The following SLC12A2 variants were observed in gnomAD, a reference collection of about 807,000 sequenced individuals.
The protein encoded by SLC12A2 is Na-K-2Cl cotransporter 1.
Under a neutral mutation model 136.3 loss-of-function variants are expected in SLC12A2, and 67 were observed. That is an observed-to-expected ratio of 0.49 (90% confidence interval 0.40 to 0.60). SLC12A2 has a LOEUF of 0.60. SLC12A2 is among the 20% of genes least tolerant of loss of function. The pLI is 0.00. For synonymous variants in SLC12A2, 619 were observed against 562.9 expected (o/e 1.10, Z -1.41); for missense variants, 1,322 against 1,534.7 (o/e 0.86, Z 2.32).
At chr5:128,093,895 TG>T (rs1760428070) in intron 1 of SLC12A2, among the ~76,000 whole-genome samples, 1 of 152,152 alleles carries the variant, frequency 6.6e-6, no homozygotes, top group African/African-American at 2.4e-5. Context: ...TGTCTATTTC[TG>T]GTTTGCCTCT....
intron 18 of SLC12A2, among the ~76,000 whole-genome samples, chr5:128,171,250 A>T (rs1763367178): frequency 6.6e-6 from 1 of 152,132 alleles, no homozygotes; most frequent in Admixed American, 6.6e-5. Flanking sequence ...ATATCCTGCA[A>T]CCTGCTATCA....
intron 1 of SLC12A2, chr5:128,110,311 C>T: frequency 1.2e-6 from 1 of 855,966 alleles, no homozygotes; most frequent in East Asian, 2.4e-5. Context: ...ACTTGACTGA[C>T]TGTTTTAGAA....
intron 15 of SLC12A2, among the ~76,000 whole-genome samples, chr5:128,155,198 A>G (rs1052558466): frequency 2.0e-5 from 3 of 152,178 alleles, no homozygotes; most frequent in African/African-American, 7.2e-5. Context: ...AAATTTCACC[A>G]CACTACTCAG....
At chr5:128,127,795 A>G (rs1410270940) in intron 4 of SLC12A2, among the ~76,000 whole-genome samples, 3 of 150,522 alleles carry the variant, frequency 2.0e-5, no homozygotes, top group African/African-American at 2.4e-5. Flanking sequence ...TTCATTCCTA[A>G]TTTACTTTTT....
chr5:128,140,061 C>T (rs570146471), intron 9 of SLC12A2, among the ~76,000 whole-genome samples: 12 of 152,196 alleles, frequency 7.9e-5, no homozygotes, highest in African/African-American at 2.6e-4. Flanking sequence ...TGCAGTGGCT[C>T]GATCTTGGCT....
At chr5:128,132,838 T>C (rs1256875586) in intron 5 of SLC12A2, among the ~76,000 whole-genome samples, 1 of 152,330 alleles carries the variant, frequency 6.6e-6, no homozygotes, top group East Asian at 1.9e-4. Flanking sequence ...TATATTTTTA[T>C]TTGATAGTCA....
At chr5:128,174,482 C>A in intron 19 of SLC12A2, 59 bp from the exon 20 acceptor site, 1 of 1,264,654 alleles carries the variant, frequency 7.9e-7, no homozygotes, top group Non-Finnish European at 1.1e-6. Flanking sequence ...AACCATAATG[C>A]CTTATTTAAC....
Position 128,084,369 on chromosome 5 carries a change from T to A in SLC12A2, c.415T>A (p.Phe139Ile). 1 of 1,604,238 alleles carries A rather than the reference T, an allele frequency of 6.2e-7. No individual in the cohort carries two copies. The highest frequency in any genetic ancestry group is 8.5e-7 in the Non-Finnish European group (1 of 1,177,384). Residue 139 changes from phenylalanine (F) to isoleucine (I), a missense_variant, in exon 1 of 27, where the codon TTC becomes ATC. By Grantham distance (21) the Phe-to-Ile change is conservative. Transcript: ENST00000262461. The surrounding 1 kb of genome is among the most constrained non-coding windows in gnomAD (Gnocchi z 5.6). The part of the protein sequence containing the change: ...AKGSEEAKGR[F>I]RVNFVDPAAS... ...AGGCAGCGAGGAAGCCAAGGGCCGCTTCCGCGTGAACTTCGTGGACCCAGC... is the reference window on the plus strand; with the variant it reads ...AGGCAGCGAGGAAGCCAAGGGCCGCATCCGCGTGAACTTCGTGGACCCAGC...
At chr5:128,119,028 G>C (rs1306271632) in intron 4 of SLC12A2, among the ~76,000 whole-genome samples, 3 of 152,056 alleles carry the variant, frequency 2.0e-5, no homozygotes, top group Non-Finnish European at 4.4e-5. Context: ...TATGAGTTTT[G>C]TTTGCCATTT....
rs752606329 is a variant in SLC12A2 at position 128,167,834 on chromosome 5, T to A, written c.2690T>A (p.Met897Lys). ...GFKKDWLQAD[M>K]RDVDMYINLF... ...AAGAAAGATTGGTTGCAAGCAGATA[T>A]GAGGGATGTGGATATGTATATAAAC... Residue 897 changes from methionine (M) to lysine (K), a missense_variant, in exon 18 of 27, where the codon ATG becomes AAG. By Grantham distance (95) the Met-to-Lys change is moderately conservative (BLOSUM62 -1). Around this residue, in one of 8 missense-constraint regions of SLC12A2, gnomAD observed 226 missense variants for 210.4 expected, o/e 1.07. Coordinates refer to ENST00000262461, the MANE Select transcript of SLC12A2 (RefSeq NM_001046.3). 1.9e-6 allele frequency: 3 copies of A among 1,604,698 alleles called. No homozygotes were observed. Among genetic ancestry groups the A allele is most frequent in the African/African-American group, 1.3e-5 (1 of 74,582 alleles).
rs1561682016 is a variant in SLC12A2, at chr5:128,139,265, G to A, written c.1621+357G>A. ...CAAATTTCTGTATTTTTTTAAGATG[G>A]TTATTTATTTTTTTTTTTTACAGTA... On this transcript the variant is annotated intron_variant, in intron 9 of 26. Transcript: ENST00000262461. 2.6e-5 allele frequency among the ~76,000 whole-genome samples: 4 copies of A among 151,062 alleles called. No individual in the cohort carries two copies. In the South Asian group the frequency reaches 6.3e-4, roughly 24 times the overall value.
Position 128,152,698 on chromosome 5 carries a change from T to C in SLC12A2, c.2264-8T>C, listed in dbSNP as rs1208892128. On this transcript the variant is annotated splice_polypyrimidine_tract_variant and splice_region_variant and intron_variant, in intron 14 of 26. Transcript: ENST00000262461. Reference sequence around the variant, plus strand: ...TGTTAATGCTGCATGAACATTATCTTCCCACAGATGTGAATTGGGGATCCT... The same window carrying C: ...TGTTAATGCTGCATGAACATTATCTCCCCACAGATGTGAATTGGGGATCCT... 1.0e-5 allele frequency: 16 copies of C among 1,565,584 alleles called. No individual in the cohort carries two copies. The South Asian group carries it at 1.8e-4, about 17-fold the overall frequency.
intron 4 of SLC12A2, among the ~76,000 whole-genome samples, chr5:128,121,298 G>GTT (rs1761568288): frequency 6.6e-6 from 1 of 151,974 alleles, no homozygotes; most frequent in South Asian, 2.1e-4. Context: ...TTTTAGTACT[G>GTT]ATGTGGGGTA....
intron 24 of SLC12A2, among the ~76,000 whole-genome samples, chr5:128,183,524 AAC>A (rs1238350817): frequency 2.6e-5 from 4 of 152,086 alleles, no homozygotes; most frequent in East Asian, 1.9e-4. Context: ...CTTTTATTGT[AAC>A]ACAGTGTATA....
At position 128,100,776 on chromosome 5, in the gene SLC12A2, G is replaced by T. The variant is rs539320343; in HGVS notation, c.757-12038G>T. On this transcript the variant is annotated intron_variant, in intron 1 of 26. Coordinates refer to ENST00000262461, the MANE Select transcript of SLC12A2 (RefSeq NM_001046.3). The stretch of plus-strand genomic sequence containing the variant: ...TTTAAAATAATTTGAAATAGAAATT[G>T]TACAGTTACTAATTGATACTGGAAG... 6.6e-5 allele frequency among the ~76,000 whole-genome samples: 10 copies of T among 152,194 alleles called. No homozygotes were observed. The South Asian group carries it at 1.5e-3, about 22-fold the overall frequency.
rs1156730767 is a variant in SLC12A2, at chr5:128,156,338, A to G, written c.2364-1715A>G. Among the ~76,000 whole-genome samples, 3 of 152,006 alleles carry G rather than the reference A, an allele frequency of 2.0e-5. No individual in the cohort carries two copies. In the South Asian group the frequency reaches 6.2e-4, roughly 32 times the overall value. On this transcript the variant is annotated intron_variant, in intron 15 of 26. Coordinates refer to ENST00000262461, the MANE Select transcript of SLC12A2 (RefSeq NM_001046.3). Reference sequence around the variant, plus strand: ...CAGTATTCCAGTGCTGTTGTGCTCCAGATATTTTTGTGGTTTGTGCCTTTA... The same window carrying G: ...CAGTATTCCAGTGCTGTTGTGCTCCGGATATTTTTGTGGTTTGTGCCTTTA...
At chr5:128,114,806 T>C in intron 4 of SLC12A2, 125 bp downstream of exon 4, 1 of 622,276 alleles carries the variant, frequency 1.6e-6, no homozygotes, top group Non-Finnish European at 2.8e-6. Flanking sequence ...GACAAGAAAG[T>C]TGCTACCGAG....
chr5:128,148,772 A>G lies in SLC12A2; in HGVS notation c.1900A>G (p.Ile634Val), dbSNP rs771531911. 3.1e-6 allele frequency: 5 copies of G among 1,603,664 alleles called. No individual in the cohort carries two copies. The highest frequency in any genetic ancestry group is 2.6e-6 in the Non-Finnish European group (3 of 1,175,800). Residue 634 changes from isoleucine to valine, a missense_variant, in exon 12 of 27, where the codon ATC becomes GTC. Transcript: ENST00000262461. ...KIFQALCKDN[I>V]YPAFQMFAKG... ...TCATTAGGCTCTATGTAAGGACAAC[A>G]TCTACCCAGCTTTCCAGATGTTTGC...
At chr5:128,182,750 A>G in intron 23 of SLC12A2, 105 bp from the exon 24 acceptor site, 1 of 727,988 alleles carries the variant, frequency 1.4e-6, no homozygotes, top group Non-Finnish European at 2.3e-6. Context: ...TGTTTAGCAT[A>G]TGATAGACTG....
Sources: allele counts gnomAD v4.1 joint callset (sites outside exome capture counted in the v4.1 genomes callset), GRCh38; gene constraint gnomAD v4.1.1; regional missense constraint gnomAD v4.1.1; non-coding constraint Gnocchi (gnomAD v3.1); transcripts MANE v1.5; gene names NCBI Gene and HGNC (gene_info 2026-07-23, HGNC 2026-07-21).